Variants in NCKAP5 observed in about 807,000 individuals in gnomAD.
The protein encoded by NCKAP5 is nck-associated protein 5.
NCKAP5 carries 92 observed loss-of-function variants against 167.0 expected under a neutral mutation model. The observed-to-expected ratio is 0.55, with a 90% CI of 0.47 to 0.66. The LOEUF (loss-of-function observed/expected upper bound fraction) is 0.66. Ranked by LOEUF, NCKAP5 falls within the 30% of genes least tolerant of loss-of-function variation. The pLI is 0.00. For synonymous variants in NCKAP5, 891 were observed against 877.4 expected (o/e 1.02, Z -0.27); for missense variants, 2,378 against 2,315.0 (o/e 1.03, Z -0.56).
intron 6 of NCKAP5, among the ~76,000 whole-genome samples, chr2:133,057,557 T>C (rs1029749060): frequency 2.6e-5 from 4 of 152,202 alleles, no homozygotes; most frequent in African/African-American, 9.6e-5. Context: ...AATATCCCCT[T>C]AAGCCAAAGC....
At chr2:132,935,311 C>A (rs1181743677) in intron 8 of NCKAP5, among the ~76,000 whole-genome samples, 1 of 152,158 alleles carries the variant, frequency 6.6e-6, no homozygotes, top group East Asian at 1.9e-4. Context: ...GGAGCCTGAG[C>A]CTTCACCAAA....
At chr2:133,652,245 T>C in the NCKAP5 span, among the ~76,000 whole-genome samples, 2 of 152,234 alleles carry the variant, frequency 1.3e-5, no homozygotes, top group Admixed American at 6.5e-5. Context: ...TTCTCAAAAT[T>C]TAATAGGGAA....
intron 5 of NCKAP5, among the ~76,000 whole-genome samples, chr2:133,139,764 T>C (rs1170513601): frequency 6.6e-6 from 1 of 152,160 alleles, no homozygotes; most frequent in Non-Finnish European, 1.5e-5. Flanking sequence ...GGAAAAGGCC[T>C]TTCCACAGGG....
intron 6 of NCKAP5, among the ~76,000 whole-genome samples, chr2:133,017,873 C>T (rs2149382199): frequency 6.6e-6 from 1 of 152,186 alleles, no homozygotes; most frequent in South Asian, 2.1e-4. Flanking sequence ...TTCTCCCCTG[C>T]TACTTAATTT....
intron 5 of NCKAP5, among the ~76,000 whole-genome samples, chr2:133,190,031 T>C (rs536076834): frequency 6.6e-6 from 1 of 152,126 alleles, no homozygotes; most frequent in African/African-American, 2.4e-5. Flanking sequence ...AACCCCATCA[T>C]CTCAACCCAA....
chr2:133,618,447 C>G, the NCKAP5 span, among the ~76,000 whole-genome samples: 573 of 150,936 alleles, frequency 3.8e-3, 3 homozygotes, highest in East Asian at 0.018. Context: ...TGAACTCAAA[C>G]AAATTTACAA....
At chr2:132,999,077 T>G (rs534009431) in intron 6 of NCKAP5, among the ~76,000 whole-genome samples, 1 of 152,208 alleles carries the variant, frequency 6.6e-6, no homozygotes, top group Non-Finnish European at 1.5e-5. Context: ...GAACTATTTT[T>G]AAAAAGTTAA....
chr2:133,443,343 T>G (rs546094521), intron 3 of NCKAP5, among the ~76,000 whole-genome samples: 1 of 152,294 alleles, frequency 6.6e-6, no homozygotes, highest in Admixed American at 6.5e-5. Context: ...TATCAGGACA[T>G]TAGTGAAACA....
chr2:133,453,931 A>G (rs1691696553), intron 3 of NCKAP5, among the ~76,000 whole-genome samples: 3 of 152,176 alleles, frequency 2.0e-5, no homozygotes, highest in South Asian at 4.1e-4. Context: ...CTGAATCACT[A>G]TCATGTTTGT....
At chr2:132,851,517 C>T (rs1451228947) in intron 11 of NCKAP5, among the ~76,000 whole-genome samples, 1 of 152,206 alleles carries the variant, frequency 6.6e-6, no homozygotes. Flanking sequence ...AAGGTTAACC[C>T]CGCTTGCCTC....
intron 3 of NCKAP5, among the ~76,000 whole-genome samples, chr2:133,480,888 G>C (rs1449533798): frequency 6.6e-6 from 1 of 152,158 alleles, no homozygotes; most frequent in Non-Finnish European, 1.5e-5. Flanking sequence ...CCCAAAGCCG[G>C]ATTGCTCAAG....
chr2:133,637,848 T>A, the NCKAP5 span, among the ~76,000 whole-genome samples: 4 of 152,142 alleles, frequency 2.6e-5, no homozygotes, highest in Admixed American at 2.6e-4. Flanking sequence ...ATGAAAACCA[T>A]AAATTTTTAG....
intron 5 of NCKAP5, among the ~76,000 whole-genome samples, chr2:133,135,928 T>A (rs1574141517): frequency 6.6e-6 from 1 of 152,302 alleles, no homozygotes; most frequent in East Asian, 1.9e-4. Context: ...AAACTCTGTA[T>A]AACATTTGTC....
intron 3 of NCKAP5, among the ~76,000 whole-genome samples, chr2:133,329,432 G>A (rs922990133): frequency 1.3e-5 from 2 of 152,088 alleles, no homozygotes; most frequent in Non-Finnish European, 2.9e-5. Context: ...ACAGGGGAGC[G>A]CCAGGTAGAA....
intron 4 of NCKAP5, among the ~76,000 whole-genome samples, chr2:133,237,356 T>C (rs913575517): frequency 1.1e-4 from 16 of 152,198 alleles, no homozygotes; most frequent in African/African-American, 3.9e-4. Flanking sequence ...ATTTCTTTGT[T>C]CTATGAAAAT....
chr2:133,495,709 G>A (rs994505206), intron 3 of NCKAP5, among the ~76,000 whole-genome samples: 5 of 152,206 alleles, frequency 3.3e-5, no homozygotes, highest in Non-Finnish European at 7.3e-5. Flanking sequence ...GAAGGTGGAA[G>A]ATTAACTAGT....
intron 6 of NCKAP5, among the ~76,000 whole-genome samples, chr2:133,037,899 C>T (rs1014089859): frequency 1.3e-5 from 2 of 152,062 alleles, no homozygotes; most frequent in Admixed American, 6.6e-5. Flanking sequence ...ACCCCTCTGA[C>T]AAGAGATTAA....
At chr2:132,857,725 A>G (rs1689583274) in intron 11 of NCKAP5, among the ~76,000 whole-genome samples, 1 of 152,238 alleles carries the variant, frequency 6.6e-6, no homozygotes. Context: ...CCATAGTCCC[A>G]GAGATATCAT....
At chr2:133,065,801 C>A (rs554791311) in intron 6 of NCKAP5, among the ~76,000 whole-genome samples, 1 of 152,116 alleles carries the variant, frequency 6.6e-6, no homozygotes, top group Non-Finnish European at 1.5e-5. Context: ...CTCCTCAAAG[C>A]GGTAGTAGAG....
Sources: allele counts gnomAD v4.1 joint callset (sites outside exome capture counted in the v4.1 genomes callset), GRCh38; gene constraint gnomAD v4.1.1; transcripts MANE v1.5; gene names NCBI Gene and HGNC (gene_info 2026-07-23, HGNC 2026-07-21).